CHERP: variants seen among roughly 807,000 people sequenced by gnomAD.
CHERP encodes ERPROT 213-21.
Under a neutral mutation model 113.8 loss-of-function variants are expected in CHERP, and 8 were observed. That is an observed-to-expected ratio of 0.07 (90% CI 0.04 to 0.13). The LOEUF is 0.13. Among genes scored for constraint, CHERP ranks in the 10% least tolerant of loss-of-function variants. The pLI is 1.00. For synonymous variants in CHERP, 559 were observed against 524.5 expected (o/e 1.07, Z -0.90); for missense variants, 884 against 1,298.2 (o/e 0.68, Z 4.90).
chr19:16,530,536 G>A lies in CHERP; in HGVS notation c.876+49C>T, dbSNP rs889610533. ...CCCCACACTCCCAAACCCTCCTGGGGAACCCGCCCCAGCTCTAGGGTGAGG... is the reference window on the plus strand; with the variant it reads ...CCCCACACTCCCAAACCCTCCTGGGAAACCCGCCCCAGCTCTAGGGTGAGG... On this transcript the variant is annotated intron_variant, in intron 7 of 16. Transcript: ENST00000546361. The surrounding 1 kb of genome is among the most constrained non-coding windows in gnomAD (Gnocchi z 4.1). 6.3e-7 allele frequency: 1 copy of A among 1,576,558 alleles called. No individual in the cohort carries two copies. Among genetic ancestry groups the A allele is most frequent in the Middle Eastern group, 1.7e-4 (1 of 5,968 alleles).
In CHERP at chr19:16,525,777, G is replaced by A; in HGVS notation, c.1306-100C>T. On this transcript the variant is annotated intron_variant, in intron 9 of 16. Coordinates refer to ENST00000546361, the MANE Select transcript of CHERP (RefSeq NM_006387.6). The surrounding 1 kb of genome is among the most constrained non-coding windows in gnomAD (Gnocchi z 6.5). ...GCATCACAGCGCTGGCTCAGACCAT[G>A]GAGGCGCTGCCCTGGCCACGTTGAG... The A allele has an allele frequency of 8.5e-7, 1 of 1,178,828 alleles. No homozygotes were observed. The allele number at this position is 1,178,828 out of a possible 1,614,324, so 73.0% of individuals were successfully genotyped here. A position where few individuals can be genotyped will look rare whatever the true frequency, so the allele number is the denominator to read the frequency against.
At position 16,519,724 on chromosome 19, in the gene CHERP, G is replaced by A. The variant is rs1161671685; in HGVS notation, c.2463-9C>T. The A allele has an allele frequency of 7.5e-6, 12 of 1,606,148 alleles. No individual in the cohort carries two copies. Among genetic ancestry groups the A allele is most frequent in the East Asian group, 6.7e-5 (3 of 44,846 alleles). ...CCAGACCAGCAGAGGAACTAAAATC[G>A]AGACAGGTTATTCTTTTTAAGAAGT... On this transcript the variant is annotated splice_polypyrimidine_tract_variant and intron_variant, in intron 15 of 16. Transcript: ENST00000546361. This position sits in a 1 kb window ranked among gnomAD's most constrained non-coding sequence, Gnocchi z 6.0.
chr19:16,540,594 G>C (rs370678339), intron 2 of CHERP, among the ~76,000 whole-genome samples: 1 of 146,800 alleles, frequency 6.8e-6, no homozygotes, highest in Admixed American at 6.8e-5. Flanking sequence ...GCTGTTCTCA[G>C]ACTCCTAACC....
At position 16,520,681 on chromosome 19, in the gene CHERP, G is replaced by A. The variant is rs1001037008; in HGVS notation, c.2201+145C>T. ...ATAGTGTGGCCGAGCCTGCTGCTGTGTGAATTCAGGCCTTGTGGAAAACAC... is the reference window on the plus strand; with the variant it reads ...ATAGTGTGGCCGAGCCTGCTGCTGTATGAATTCAGGCCTTGTGGAAAACAC... On this transcript the variant is annotated intron_variant, in intron 13 of 16. Transcript: ENST00000546361. This position sits in a 1 kb window ranked among gnomAD's most constrained non-coding sequence, Gnocchi z 4.0. 9.6e-5 allele frequency: 108 copies of A among 1,126,542 alleles called. No individual in the cohort carries two copies. Among genetic ancestry groups the A allele is most frequent in the Non-Finnish European group, 1.4e-4 (107 of 763,670 alleles). 69.8% of individuals were successfully genotyped at this position (1,126,542 alleles called of 1,614,324 possible). A position where few individuals can be genotyped will look rare whatever the true frequency, so the allele number is the denominator to read the frequency against.
chr19:16,519,556 TG>T lies in CHERP; in HGVS notation c.2557+64del. 1 of 1,437,752 alleles carries T rather than the reference TG, an allele frequency of 7.0e-7. No homozygotes were observed. Among genetic ancestry groups the T allele is most frequent in the Non-Finnish European group, 9.8e-7 (1 of 1,021,852 alleles). 89.1% of individuals were successfully genotyped at this position (1,437,752 alleles called of 1,614,324 possible). ...ACATGCACTGAGGAAGAGAAAGCGC[TG>T]GTGACTCCCGGGCCCAGCACGCGTG... On this transcript the variant is annotated intron_variant, in intron 16 of 16. Coordinates refer to ENST00000546361, the MANE Select transcript of CHERP (RefSeq NM_006387.6). This position sits in a 1 kb window ranked among gnomAD's most constrained non-coding sequence, Gnocchi z 6.0.
At chr19:16,521,070 C>A (rs926865713) in intron 12 of CHERP, 158 bp from the exon 13 acceptor site, 5 of 672,150 alleles carry the variant, frequency 7.4e-6, no homozygotes, top group Admixed American at 6.6e-5. Flanking sequence ...TTCAGTGTTC[C>A]CACAGGGCTG....
Position 16,528,215 on chromosome 19 carries a change from C to T in CHERP, c.1170G>A (p.Glu390=), listed in dbSNP as rs1277320109. 3.1e-6 allele frequency: 5 copies of T among 1,600,146 alleles called. No individual in the cohort carries two copies. Among genetic ancestry groups the T allele is most frequent in the South Asian group, 1.1e-5 (1 of 89,530 alleles). Residue 390 remains glutamate, a synonymous_variant, in exon 9 of 17, where the codon GAG becomes GAA. Transcript: ENST00000546361. The part of the protein sequence containing the change: ...KPPIQMPGSS[E]YEAPGGVQDP... ...CCTGGACCCCTCCTGGAGCTTCGTA[C>T]TCTGAAGAGCCAGGCATCTGGATGG...
chr19:16,531,378 G>A (rs781769555), intron 5 of CHERP, among the ~76,000 whole-genome samples: 4 of 152,186 alleles, frequency 2.6e-5, no homozygotes, highest in Non-Finnish European at 4.4e-5. Flanking sequence ...AAGAGTGACC[G>A]GATGCCCAGC....
intron 2 of CHERP, chr19:16,541,362 C>G (rs1238114117): frequency 6.6e-6 from 1 of 152,550 alleles, no homozygotes; most frequent in Non-Finnish European, 1.5e-5. Context: ...TTCTTTAGAG[C>G]AGGACTGGAA....
intron 2 of CHERP, 173 bp downstream of exon 2, chr19:16,541,697 A>C (rs2085781110): frequency 1.5e-6 from 1 of 650,072 alleles, no homozygotes; most frequent in Admixed American, 2.8e-5. Context: ...AGTGGCACCC[A>C]GCAGCCGCTC....
Position 16,520,137 on chromosome 19 carries a change from A to C in CHERP, c.2462+12T>G, listed in dbSNP as rs1432956600. On this transcript the variant is annotated intron_variant, in intron 15 of 16. Coordinates refer to ENST00000546361, the MANE Select transcript of CHERP (RefSeq NM_006387.6). The surrounding 1 kb of genome is among the most constrained non-coding windows in gnomAD (Gnocchi z 4.0). ...CAGAGTTACCAGCGCAGCACTTAAG[A>C]CAGGATCTTACGGCGGGGTGGGGCT... 1 of 1,611,106 alleles carries C rather than the reference A, an allele frequency of 6.2e-7. No homozygotes were observed. The highest frequency in any genetic ancestry group is 1.3e-5 in the African/African-American group (1 of 74,860).
Position 16,520,742 on chromosome 19 carries a change from G to C in CHERP, c.2201+84C>G, listed in dbSNP as rs1412011808. 1.5e-6 allele frequency: 2 copies of C among 1,364,558 alleles called. No individual in the cohort carries two copies. Among genetic ancestry groups the C allele is most frequent in the African/African-American group, 2.9e-5 (2 of 69,928 alleles). The allele number at this position is 1,364,558 out of a possible 1,614,324, so 84.5% of individuals were successfully genotyped here. On this transcript the variant is annotated intron_variant, in intron 13 of 16. Transcript: ENST00000546361. The surrounding 1 kb of genome is among the most constrained non-coding windows in gnomAD (Gnocchi z 4.0). The stretch of plus-strand genomic sequence containing the variant: ...GCACAGGCTGTGTGAGGGTGGACGT[G>C]ATGAGTGTATCTGGGGTCTGCTCCC...
chr19:16,521,719 TG>T, intron 11 of CHERP, 65 bp from the exon 12 acceptor site: 1 of 1,457,744 alleles, frequency 6.9e-7, no homozygotes, highest in South Asian at 1.5e-5. Flanking sequence ...ACCCAGGGTC[TG>T]CAAGGAGTGG....
Position 16,542,359 on chromosome 19 carries a change from G to C in CHERP, c.20C>G (p.Pro7Arg). The C allele has an allele frequency of 3.6e-6, 5 of 1,396,386 alleles. No individual in the cohort carries two copies. The highest frequency in any genetic ancestry group is 1.9e-6 in the Non-Finnish European group (2 of 1,068,988). 86.5% of individuals were successfully genotyped at this position (1,396,386 alleles called of 1,614,324 possible). MEMPLP[P>R]DDQELRNVID... ...TCGGCCGGTTTGGGTCTCACCATCG[G>C]GGGGCAGCGGCATCTCCATGGCTCC... is the stretch of plus-strand genomic sequence containing the variant. The change falls in exon 1 of 17, where the codon CCC becomes CGC. Residue 7 changes from proline to arginine, a missense_variant. Physicochemically the swap from Pro to Arg is moderately radical, Grantham distance 103. Around this residue, in one of 8 missense-constraint regions of CHERP, gnomAD observed 17 missense variants for 23.2 expected, o/e 0.73. Coordinates refer to ENST00000546361, the MANE Select transcript of CHERP (RefSeq NM_006387.6).
chr19:16,527,461 G>A (rs534031843), intron 9 of CHERP, among the ~76,000 whole-genome samples: 1 of 152,316 alleles, frequency 6.6e-6, no homozygotes, highest in African/African-American at 2.4e-5. Context: ...CACCTGGAAA[G>A]GCCACGCTGC....
rs1201051084 is a variant in CHERP, at chr19:16,529,731, G to A, written c.1046C>T (p.Ala349Val). 6.2e-7 allele frequency: 1 copy of A among 1,608,794 alleles called. No individual in the cohort carries two copies. Among genetic ancestry groups the A allele is most frequent in the East Asian group, 2.2e-5 (1 of 44,828 alleles). ...CGGTGGAGGCGTGGCCTTGACTTCAGCCTCCATCTGCGGCATCTGGAGCTG... is the reference window on the plus strand; with the variant it reads ...CGGTGGAGGCGTGGCCTTGACTTCAACCTCCATCTGCGGCATCTGGAGCTG... ...QQQLQMPQME[A>V]EVKATPPPPA... The change falls in exon 8 of 17, where the codon GCT becomes GTT. Residue 349 changes from alanine (A) to valine (V), a missense_variant. Physicochemically the swap from Ala to Val is moderately conservative, Grantham distance 64. Coordinates refer to ENST00000546361, the MANE Select transcript of CHERP (RefSeq NM_006387.6).
rs368920803 is a variant in CHERP at position 16,532,787 on chromosome 19, C to T, written c.523-38G>A. On this transcript the variant is annotated intron_variant, in intron 4 of 16. Coordinates refer to ENST00000546361, the MANE Select transcript of CHERP (RefSeq NM_006387.6). This position sits in a 1 kb window ranked among gnomAD's most constrained non-coding sequence, Gnocchi z 4.4. ...AGCCAATGACGAGTGAGCAGGGCCGCGGCTCCCCCAGGCACCCACTGCATC... is the reference window on the plus strand; with the variant it reads ...AGCCAATGACGAGTGAGCAGGGCCGTGGCTCCCCCAGGCACCCACTGCATC... 2.5e-5 allele frequency: 39 copies of T among 1,583,230 alleles called. No individual in the cohort carries two copies. Among genetic ancestry groups the T allele is most frequent in the East Asian group, 6.8e-5 (3 of 44,386 alleles).
Position 16,535,844 on chromosome 19 carries a change from A to C in CHERP, c.200-208T>G, listed in dbSNP as rs1315331131. On this transcript the variant is annotated intron_variant, in intron 2 of 16. Transcript: ENST00000546361. The surrounding 1 kb of genome is among the most constrained non-coding windows in gnomAD (Gnocchi z 4.3). ...CACAGGATCCCAGCCTCAGCATTCC[A>C]TCTTCGGGCCGTCCCCTCCTCGGAG... Among the ~76,000 whole-genome samples the C allele has an allele frequency of 6.6e-6, 1 of 151,998 alleles. No homozygotes were observed. The highest frequency in any genetic ancestry group is 1.5e-5 in the Non-Finnish European group (1 of 67,968).
intron 2 of CHERP, among the ~76,000 whole-genome samples, chr19:16,536,836 C>G (rs1267617609): frequency 6.6e-6 from 1 of 152,086 alleles, no homozygotes; most frequent in Non-Finnish European, 1.5e-5. Flanking sequence ...GCCAACATGG[C>G]CCTGTCTCTA....
Sources: gnomAD v4.1 joint callset for allele counts (sites outside exome capture counted in the v4.1 genomes callset) on GRCh38, gnomAD v4.1.1 for gene constraint, gnomAD v4.1.1 regional missense constraint, Gnocchi (gnomAD v3.1) non-coding constraint, MANE v1.5 for transcripts, NCBI Gene and HGNC (gene_info 2026-07-23, HGNC 2026-07-21) for gene names.